Variants in ATP10B observed in about 807,000 individuals in gnomAD.
The protein encoded by ATP10B is phospholipid-transporting ATPase VB.
ATP10B carries 122 observed loss-of-function variants against 141.2 expected under a neutral mutation model. The ratio of observed to expected loss-of-function variants is 0.86; its 90% CI spans 0.75 to 1.00. ATP10B has a LOEUF of 1.00. Among genes scored for constraint, ATP10B ranks in the 50% least tolerant of loss-of-function variants. The pLI is 0.00. For missense variants in ATP10B, 1,876 were observed against 1,825.3 expected (o/e 1.03, Z -0.51); for synonymous variants, 685 against 692.0 (o/e 0.99, Z 0.16).
intron 25 of ATP10B, among the ~76,000 whole-genome samples, chr5:160,566,783 C>T (rs1191701789): frequency 1.3e-5 from 2 of 152,094 alleles, no homozygotes; most frequent in South Asian, 2.1e-4. Context: ...ATGTCTGTTG[C>T]CTTATCTGAA....
intron 22 of ATP10B, among the ~76,000 whole-genome samples, chr5:160,591,374 TTAAATGTGGGCAAAAA>T (rs1422427088): frequency 6.6e-6 from 1 of 152,188 alleles, no homozygotes; most frequent in East Asian, 1.9e-4. Flanking sequence ...TCTTCTTCCA[TTAAATGTGGGCAAAAA>T]TAACACAGCC....
intron 24 of ATP10B, among the ~76,000 whole-genome samples, chr5:160,578,344 G>C (rs541982755): frequency 1.3e-5 from 2 of 151,898 alleles, no homozygotes; most frequent in African/African-American, 4.8e-5. Flanking sequence ...CCCTCCCCTA[G>C]CACCATCTGA....
intron 2 of ATP10B, among the ~76,000 whole-genome samples, chr5:160,781,369 G>A (rs758039320): frequency 1.3e-5 from 2 of 152,176 alleles, no homozygotes; most frequent in African/African-American, 4.8e-5. Flanking sequence ...AGATTTTTAG[G>A]TCAATGCTGC....
intron 24 of ATP10B, among the ~76,000 whole-genome samples, chr5:160,572,697 A>G (rs758072046): frequency 5.9e-5 from 9 of 152,226 alleles, no homozygotes; most frequent in Non-Finnish European, 1.2e-4. Flanking sequence ...GTTTTAAAAA[A>G]TCTAATGATT....
chr5:160,589,582 G>C lies in ATP10B; in HGVS notation c.3750+10C>G. ...CAGTTTTGAAGCCAAAGGGGCTCTG[G>C]GACACTTACCCATGTCTTCATTTCC... On this transcript the variant is annotated intron_variant, in intron 24 of 25. Coordinates refer to ENST00000327245, the MANE Select transcript of ATP10B (RefSeq NM_025153.3). 6.2e-7 allele frequency: 1 copy of C among 1,607,134 alleles called. No homozygotes were observed. The highest frequency in any genetic ancestry group is 1.3e-5 in the African/African-American group (1 of 74,882).
the ATP10B span, among the ~76,000 whole-genome samples, chr5:160,920,011 G>A: frequency 2.0e-5 from 3 of 152,220 alleles, no homozygotes; most frequent in Non-Finnish European, 4.4e-5. Flanking sequence ...TCGAGTTCCT[G>A]AGCTTCAGCT....
chr5:160,873,379 T>C, the ATP10B span, among the ~76,000 whole-genome samples: 1 of 152,218 alleles, frequency 6.6e-6, no homozygotes, highest in Non-Finnish European at 1.5e-5. Flanking sequence ...AATATCATAG[T>C]AGAAGTCCTA....
chr5:160,771,432 A>G (rs1043169991), intron 2 of ATP10B, among the ~76,000 whole-genome samples: 5 of 152,192 alleles, frequency 3.3e-5, no homozygotes, highest in Non-Finnish European at 7.3e-5. Flanking sequence ...AATAATGAGA[A>G]TAATCTTTAA....
chr5:160,732,738 C>T (rs1218439939), intron 2 of ATP10B, among the ~76,000 whole-genome samples: 1 of 152,160 alleles, frequency 6.6e-6, no homozygotes, highest in African/African-American at 2.4e-5. Context: ...TGGGATGCCT[C>T]TAGCTGTATT....
chr5:160,856,260 G>A (rs758208648), upstream of ATP10B, among the ~76,000 whole-genome samples: 11 of 151,854 alleles, frequency 7.2e-5, no homozygotes, highest in South Asian at 2.1e-4. Flanking sequence ...TCAACATCGT[G>A]TAGTTTTTAG....
intron 25 of ATP10B, among the ~76,000 whole-genome samples, chr5:160,566,813 C>T (rs1490435287): frequency 2.6e-5 from 4 of 152,198 alleles, no homozygotes; most frequent in African/African-American, 9.6e-5. Context: ...AGTAATCTAT[C>T]TGACCTGGAG....
rs373674787 is a variant in ATP10B, at chr5:160,621,810, C to T, written c.1812+584G>A. On this transcript the variant is annotated intron_variant, in intron 14 of 25. Coordinates refer to ENST00000327245, the MANE Select transcript of ATP10B (RefSeq NM_025153.3). Reference sequence around the variant, plus strand: ...TTCAGTAGATTTCAGAGTATAACTTCACATACATGACCATTCAGCTGCATT... The same window carrying T: ...TTCAGTAGATTTCAGAGTATAACTTTACATACATGACCATTCAGCTGCATT... 1.6e-4 allele frequency among the ~76,000 whole-genome samples: 25 copies of T among 152,338 alleles called. 1 individual carries two copies. The highest frequency in any genetic ancestry group is 4.6e-4 in the African/African-American group (19 of 41,570).
chr5:160,704,613 C>A (rs1418029102), intron 3 of ATP10B, among the ~76,000 whole-genome samples: 3 of 152,168 alleles, frequency 2.0e-5, no homozygotes, highest in African/African-American at 7.2e-5. Flanking sequence ...GAGAGTCAGT[C>A]TGTTCTTTGA....
In ATP10B at chr5:160,648,274, A is replaced by G. The variant is rs116751312; in HGVS notation, c.761+897T>C. Among the ~76,000 whole-genome samples, 402 of 152,280 alleles carry G rather than the reference A, an allele frequency of 2.6e-3. 1 individual carries two copies. Among genetic ancestry groups the G allele is most frequent in the Non-Finnish European group, 3.9e-3 (268 of 68,004 alleles). On this transcript the variant is annotated intron_variant, in intron 8 of 25. Coordinates refer to ENST00000327245, the MANE Select transcript of ATP10B (RefSeq NM_025153.3). ...CACATGTGGCCCAGGGTGGCTTTGA[A>G]CATGGCCCAACACAAATTCATAAAC...
At chr5:160,619,922 G>C (rs1758228688) in intron 15 of ATP10B, among the ~76,000 whole-genome samples, 1 of 152,164 alleles carries the variant, frequency 6.6e-6, no homozygotes, top group Non-Finnish European at 1.5e-5. Flanking sequence ...TTTAACACTA[G>C]TTAACCATGT....
intron 2 of ATP10B, among the ~76,000 whole-genome samples, chr5:160,723,578 C>T (rs886556079): frequency 6.6e-6 from 1 of 152,198 alleles, no homozygotes; most frequent in Non-Finnish European, 1.5e-5. Flanking sequence ...ATGGCAACTT[C>T]ATCCTTTCAG....
chr5:160,839,127 AC>A (rs1775658540), intron 1 of ATP10B, among the ~76,000 whole-genome samples: 1 of 152,158 alleles, frequency 6.6e-6, no homozygotes, highest in East Asian at 1.9e-4. Context: ...TTTATAGATT[AC>A]CTAGTCTCAG....
chr5:160,683,292 G>A (rs964808636), intron 6 of ATP10B, among the ~76,000 whole-genome samples: 1 of 152,084 alleles, frequency 6.6e-6, no homozygotes. Flanking sequence ...TTTTCTAAAC[G>A]TGCAACTGTG....
chr5:160,644,662 C>T (rs1581253242), intron 8 of ATP10B, among the ~76,000 whole-genome samples: 2 of 152,160 alleles, frequency 1.3e-5, no homozygotes, highest in East Asian at 3.9e-4. Context: ...CCACCAGAGC[C>T]ATGACAGTTT....
Sources: allele counts gnomAD v4.1 joint callset (sites outside exome capture counted in the v4.1 genomes callset), GRCh38; gene constraint gnomAD v4.1.1; transcripts MANE v1.5; gene names NCBI Gene and HGNC (gene_info 2026-07-23, HGNC 2026-07-21).